The following PARD3B variants were observed in gnomAD, a reference collection of about 807,000 sequenced individuals.
The protein encoded by PARD3B is par-3 family cell polarity regulator beta.
In PARD3B, 103 loss-of-function variants were observed where a neutral mutation model predicts 130.2. The ratio of observed to expected loss-of-function variants is 0.79; its 90% CI spans 0.67 to 0.93. The LOEUF (loss-of-function observed/expected upper bound fraction) is 0.93. Ranked by LOEUF, PARD3B falls within the 40% of genes least tolerant of loss-of-function variation. The pLI is 0.00. For missense variants in PARD3B, 1,609 were observed against 1,499.2 expected, an observed-to-expected ratio of 1.07 and a Z score of -1.21; for synonymous variants, 583 against 553.2, an observed-to-expected ratio of 1.05 and a Z score of -0.76.
At chr2:205,320,222 A>G (rs1445852625) in intron 18 of PARD3B, among the ~76,000 whole-genome samples, 5 of 136,182 alleles carry the variant, frequency 3.7e-5, no homozygotes, top group African/African-American at 8.4e-5. Flanking sequence ...GGTGGGGGGG[A>G]GGAAGGAAGG....
intron 21 of PARD3B, among the ~76,000 whole-genome samples, chr2:205,524,841 C>T (rs1295222685): frequency 3.3e-5 from 5 of 152,178 alleles, no homozygotes; most frequent in Admixed American, 6.5e-5. Context: ...CCCTCCTTTC[C>T]GCCCAACCCA....
intron 1 of PARD3B, among the ~76,000 whole-genome samples, chr2:204,621,612 G>C (rs971505539): frequency 1.3e-5 from 2 of 152,032 alleles, no homozygotes; most frequent in Admixed American, 1.3e-4. Context: ...TATAAATAAA[G>C]CGGTATATTT....
chr2:204,978,611 C>A (rs1282239901), intron 3 of PARD3B, among the ~76,000 whole-genome samples: 1 of 152,132 alleles, frequency 6.6e-6, no homozygotes, highest in African/African-American at 2.4e-5. Context: ...TTTCAGCTTG[C>A]AAAAGTGGAT....
chr2:205,245,908 C>A, intron 16 of PARD3B, 86 bp downstream of exon 16: 1 of 1,102,352 alleles, frequency 9.1e-7, no homozygotes, highest in Non-Finnish European at 1.4e-6. Flanking sequence ...TGTTTCTATC[C>A]ACTAGTCACT....
chr2:205,536,497 T>C (rs2051865477), intron 21 of PARD3B, among the ~76,000 whole-genome samples: 1 of 152,160 alleles, frequency 6.6e-6, no homozygotes, highest in African/African-American at 2.4e-5. Flanking sequence ...GAAAGTGATG[T>C]TTCCCTTGTG....
chr2:205,080,758 A>T (rs1302032474), intron 4 of PARD3B, among the ~76,000 whole-genome samples: 2 of 152,188 alleles, frequency 1.3e-5, no homozygotes, highest in Non-Finnish European at 2.9e-5. Flanking sequence ...AGTATGAGAC[A>T]GTAGGAATTC....
intron 1 of PARD3B, among the ~76,000 whole-genome samples, chr2:204,640,052 G>A (rs1297881612): frequency 1.3e-5 from 2 of 152,006 alleles, no homozygotes; most frequent in African/African-American, 4.8e-5. Context: ...CCAGGAGTTC[G>A]AGACCAGCCT....
rs938148895 is a variant in PARD3B at position 205,253,404 on chromosome 2, G to A, written c.2185+7582G>A. 1.8e-5 allele frequency: 10 copies of A among 568,124 alleles called. No homozygotes were observed. Among genetic ancestry groups the A allele is most frequent in the African/African-American group, 5.7e-5 (3 of 52,912 alleles). The allele number at this position is 568,124 out of a possible 1,614,324, so 35.2% of individuals were successfully genotyped here. A position where few individuals can be genotyped will look rare whatever the true frequency, so the allele number is the denominator to read the frequency against. On this transcript the variant is annotated intron_variant, in intron 16 of 22. Transcript: ENST00000406610. This position sits in a 1 kb window ranked among gnomAD's most constrained non-coding sequence, Gnocchi z 4.4. The stretch of plus-strand genomic sequence containing the variant: ...TGACACACCCATGGCCATACGTTTG[G>A]TCTTCTTGGCCTTGGCTGGGCTGGT...
chr2:204,752,107 G>T (rs2040486774), intron 2 of PARD3B, among the ~76,000 whole-genome samples: 1 of 151,948 alleles, frequency 6.6e-6, no homozygotes, highest in Non-Finnish European at 1.5e-5. Context: ...TACACACCAG[G>T]GTTACTTCCT....
rs13428349 is a variant in PARD3B at position 205,269,153 on chromosome 2, A to C, written c.2185+23331A>C. On this transcript the variant is annotated intron_variant, in intron 16 of 22. Transcript: ENST00000406610. The surrounding 1 kb of genome is among the most constrained non-coding windows in gnomAD (Gnocchi z 4.7). Reference sequence around the variant, plus strand: ...ATCACTCAAAACTCAGAATTTTTGCATTTGACTTCAGATAAACAGACTGGA... The same window carrying C: ...ATCACTCAAAACTCAGAATTTTTGCCTTTGACTTCAGATAAACAGACTGGA... Among the ~76,000 whole-genome samples the C allele has an allele frequency of 0.035, 5,259 of 152,224 alleles. 104 individuals are homozygous for C. The highest frequency in any genetic ancestry group is 0.061 in the Middle Eastern group (18 of 294).
intron 2 of PARD3B, among the ~76,000 whole-genome samples, chr2:204,738,182 A>C: frequency 1.3e-5 from 2 of 152,282 alleles, no homozygotes; most frequent in East Asian, 3.9e-4. Context: ...CATTTTCACA[A>C]TATTGATCCT....
At chr2:204,834,449 T>G (rs1292731317) in intron 2 of PARD3B, among the ~76,000 whole-genome samples, 1 of 152,206 alleles carries the variant, frequency 6.6e-6, no homozygotes, top group Non-Finnish European at 1.5e-5. Context: ...CAAAACAAGT[T>G]AGAATCCTGT....
chr2:205,025,531 G>T (rs1012487298), intron 3 of PARD3B, among the ~76,000 whole-genome samples: 1 of 152,130 alleles, frequency 6.6e-6, no homozygotes, highest in African/African-American at 2.4e-5. Context: ...GTGTTACTCT[G>T]GGATTGTTGA....
At chr2:204,785,393 G>T (rs552212231) in intron 2 of PARD3B, among the ~76,000 whole-genome samples, 2 of 151,978 alleles carry the variant, frequency 1.3e-5, no homozygotes, top group African/African-American at 2.4e-5. Flanking sequence ...TGAATTATGT[G>T]CCAGCCCCTG....
rs910264416 is a variant in PARD3B, at chr2:204,673,262, T to G, written c.121-12919T>G. ...TAACATGTAAGTCCCTTCTTCTTCC[T>G]TTCTAGAAGTATTTTCTTTTAAAAG... On this transcript the variant is annotated intron_variant, in intron 1 of 22. Coordinates refer to ENST00000406610, the MANE Select transcript of PARD3B (RefSeq NM_001302769.2). The surrounding 1 kb of genome is among the most constrained non-coding windows in gnomAD (Gnocchi z 4.7). Among the ~76,000 whole-genome samples, 2 of 152,160 alleles carry G rather than the reference T, an allele frequency of 1.3e-5. No homozygotes were observed. The highest frequency in any genetic ancestry group is 2.4e-5 in the African/African-American group (1 of 41,470).
chr2:205,349,814 TTTTTTTA>T (rs1421106627), intron 18 of PARD3B, among the ~76,000 whole-genome samples: 10 of 148,062 alleles, frequency 6.8e-5, no homozygotes, highest in Non-Finnish European at 1.3e-4. Flanking sequence ...TTTTTTTTTT[TTTTTTTA>T]AAAAAAGAGG....
At chr2:205,420,581 G>A (rs1037747692) in intron 19 of PARD3B, among the ~76,000 whole-genome samples, 2 of 152,188 alleles carry the variant, frequency 1.3e-5, no homozygotes, top group African/African-American at 4.8e-5. Flanking sequence ...CAGTGGAACT[G>A]TCTGGGTGAG....
In PARD3B at chr2:204,836,314, A is replaced by C. The variant is rs143898841; in HGVS notation, c.223-128838A>C. On this transcript the variant is annotated intron_variant, in intron 2 of 22. Coordinates refer to ENST00000406610, the MANE Select transcript of PARD3B (RefSeq NM_001302769.2). ...AAGTAAATCAGAAATATAATTAGAT[A>C]CATAAATTCATAAACATACAAAATA... is the stretch of plus-strand genomic sequence containing the variant. Among the ~76,000 whole-genome samples the C allele has an allele frequency of 1.3e-4, 20 of 152,350 alleles. No homozygotes were observed. The East Asian group carries it at 3.9e-3, about 29-fold the overall frequency.
At position 205,170,976 on chromosome 2, in the gene PARD3B, C is replaced by T. The variant is rs569768073; in HGVS notation, c.1621-1235C>T. 3.9e-5 allele frequency among the ~76,000 whole-genome samples: 6 copies of T among 152,238 alleles called. No homozygotes were observed. In the East Asian group the frequency reaches 1.2e-3, roughly 29 times the overall value. ...CTAAAGAGTCAAGATTCATGGGAAC[C>T]TTTGACTCACTTTCGTGGCCTGGAA... On this transcript the variant is annotated intron_variant, in intron 11 of 22. Transcript: ENST00000406610.
Sources: gnomAD v4.1 joint callset for allele counts (sites outside exome capture counted in the v4.1 genomes callset) on GRCh38, gnomAD v4.1.1 for gene constraint, Gnocchi (gnomAD v3.1) non-coding constraint, MANE v1.5 for transcripts, NCBI Gene and HGNC (gene_info 2026-07-23, HGNC 2026-07-21) for gene names.